Variants in PEX5L observed in about 807,000 individuals in gnomAD.
PEX5L encodes the protein PEX5-related protein.
PEX5L carries 30 observed loss-of-function variants against 84.0 expected under a neutral mutation model. The ratio of observed to expected loss-of-function variants is 0.36; its 90% CI spans 0.27 to 0.48. The LOEUF is 0.48. Ranked by LOEUF, PEX5L falls within the 20% of genes least tolerant of loss-of-function variation. PEX5L has a pLI of 0.99. For missense variants in PEX5L, 533 were observed against 754.6 expected, an observed-to-expected ratio of 0.71 and a Z score of 3.44; for synonymous variants, 270 against 283.1, an observed-to-expected ratio of 0.95 and a Z score of 0.46.
At chr3:179,806,194 A>G (rs957627588) in intron 14 of PEX5L, among the ~76,000 whole-genome samples, 4 of 152,172 alleles carry the variant, frequency 2.6e-5, no homozygotes, top group African/African-American at 4.8e-5. Flanking sequence ...AAAGTGAATG[A>G]AAGACGTAAA....
At position 179,874,311 on chromosome 3, in the gene PEX5L, T is replaced by C; in HGVS notation, c.726+16A>G. On this transcript the variant is annotated intron_variant, in intron 7 of 14. Transcript: ENST00000467460. ...TATAGGGAAAGATGTGTTCATTGAA[T>C]AATCAGTTTTGTTACCTGAGTCGGA... The C allele has an allele frequency of 7.1e-7, 1 of 1,412,868 alleles. No individual in the cohort carries two copies. The highest frequency in any genetic ancestry group is 1.0e-6 in the Non-Finnish European group (1 of 997,626). 87.5% of individuals were successfully genotyped at this position (1,412,868 alleles called of 1,614,324 possible).
At chr3:179,876,510 G>A (rs1752454328) in intron 5 of PEX5L, among the ~76,000 whole-genome samples, 1 of 149,976 alleles carries the variant, frequency 6.7e-6, no homozygotes. Flanking sequence ...AAAAAAAAAA[G>A]ATCAGTTTGC....
chr3:179,980,118 T>A (rs1333744957), intron 1 of PEX5L, among the ~76,000 whole-genome samples: 1 of 152,188 alleles, frequency 6.6e-6, no homozygotes, highest in African/African-American at 2.4e-5. Flanking sequence ...ACCAGCATAT[T>A]TTTTTGGAAA....
chr3:179,861,332 TAG>T (rs1746049873), intron 7 of PEX5L, among the ~76,000 whole-genome samples: 1 of 152,220 alleles, frequency 6.6e-6, no homozygotes, highest in South Asian at 2.1e-4. Context: ...GAGGAAGTTA[TAG>T]GAGACTGAAA....
At chr3:180,013,150 A>G (rs1789638948) in intron 1 of PEX5L, among the ~76,000 whole-genome samples, 1 of 152,210 alleles carries the variant, frequency 6.6e-6, no homozygotes, top group Admixed American at 6.5e-5. Context: ...ACATGCACAG[A>G]TTATTTTATA....
At chr3:179,818,848 CTTT>C (rs78348936) in intron 9 of PEX5L, among the ~76,000 whole-genome samples, 1 of 102,954 alleles carries the variant, frequency 9.7e-6, no homozygotes, top group Admixed American at 9.7e-5. Flanking sequence ...CTTTTCTTTT[CTTT>C]TTTTTTTTTT....
chr3:179,796,429 C>T lies in PEX5L; in HGVS notation c.*5399G>A, dbSNP rs1716985134. The T allele has an allele frequency of 6.6e-6, 1 of 152,132 alleles. No individual in the cohort carries two copies. The highest frequency in any genetic ancestry group is 2.1e-4 in the South Asian group (1 of 4,826). 9.4% of individuals were successfully genotyped at this position (152,132 alleles called of 1,614,324 possible). On this transcript the variant is annotated 3_prime_UTR_variant, in exon 15 of 15. Coordinates refer to ENST00000467460, the MANE Select transcript of PEX5L (RefSeq NM_016559.3). ...TCTAGACTGTGTTATTTTGGTATTT[C>T]TGCAGAAGCTGCAGGTAGTGGAAAC...
chr3:179,988,161 A>G (rs555192005), intron 1 of PEX5L, among the ~76,000 whole-genome samples: 1 of 152,278 alleles, frequency 6.6e-6, no homozygotes, highest in South Asian at 2.1e-4. Context: ...GCACTTTAGG[A>G]GGCCAAGGTG....
At chr3:179,802,685 AT>A (rs1438778725) in intron 14 of PEX5L, among the ~76,000 whole-genome samples, 2 of 152,268 alleles carry the variant, frequency 1.3e-5, no homozygotes, top group East Asian at 3.9e-4. Flanking sequence ...CACTTAATGC[AT>A]TTGCAGATTT....
At chr3:179,846,788 T>A (rs976304401) in intron 8 of PEX5L, among the ~76,000 whole-genome samples, 8 of 152,130 alleles carry the variant, frequency 5.3e-5, no homozygotes, top group African/African-American at 1.9e-4. Context: ...TCTTACACCA[T>A]CAGCTCTCCT....
Position 179,868,024 on chromosome 3 carries a change from TTTA to T in PEX5L, c.726+6300_726+6302del, listed in dbSNP as rs1489984412. 1.3e-3 allele frequency among the ~76,000 whole-genome samples: 181 copies of T among 139,096 alleles called. 1 individual carries two copies. The highest frequency in any genetic ancestry group is 0.011 in the Middle Eastern group (3 of 278). 91.3% of individuals were successfully genotyped at this position (139,096 alleles called of 152,430 possible). A position where few individuals can be genotyped will look rare whatever the true frequency, so the allele number is the denominator to read the frequency against. The stretch of plus-strand genomic sequence containing the variant: ...GAACAAATGCTTTATTATTTATGTA[TTTA>T]TTCTTCTTCTTCTTCTTTTTTTTTT... On this transcript the variant is annotated intron_variant, in intron 7 of 14. Transcript: ENST00000467460.
intron 2 of PEX5L, among the ~76,000 whole-genome samples, chr3:179,925,316 C>G (rs1036462864): frequency 5.9e-5 from 9 of 152,024 alleles, no homozygotes; most frequent in African/African-American, 2.2e-4. Context: ...CTGCCTAGCT[C>G]ACCCGTCCAT....
intron 2 of PEX5L, among the ~76,000 whole-genome samples, chr3:179,924,442 G>C (rs1770786117): frequency 6.6e-6 from 1 of 152,152 alleles, no homozygotes; most frequent in Non-Finnish European, 1.5e-5. Flanking sequence ...ACGAGAGAAA[G>C]CATGTTTTTA....
Position 179,887,739 on chromosome 3 carries a change from T to C in PEX5L, c.244A>G (p.Ile82Val). Residue 82 changes from isoleucine to valine, a missense_variant, in exon 4 of 15, where the codon ATC (isoleucine) becomes GTC (valine). Coordinates refer to ENST00000467460, the MANE Select transcript of PEX5L (RefSeq NM_016559.3). ...QESRPLLSPS[I>V]DDFLCETKSE... ...TTGGTTTCACAGAGAAAGTCATCGA[T>C]GGAGGGACTCAGGAGGGGTCTGCTT... 3.7e-6 allele frequency: 6 copies of C among 1,614,088 alleles called. No homozygotes were observed. Among genetic ancestry groups the C allele is most frequent in the Non-Finnish European group, 5.1e-6 (6 of 1,179,928 alleles).
In PEX5L at chr3:179,924,342, G is replaced by A. The variant is rs183461598; in HGVS notation, c.94-26096C>T. On this transcript the variant is annotated intron_variant, in intron 2 of 14. Coordinates refer to ENST00000467460, the MANE Select transcript of PEX5L (RefSeq NM_016559.3). ...GCTAGATGCCACCTTCTTGGGACGG[G>A]GTTCAAAGCAGAGTCATCTTCATAG... is the stretch of plus-strand genomic sequence containing the variant. Among the ~76,000 whole-genome samples the A allele has an allele frequency of 7.9e-4, 121 of 152,252 alleles. 2 individuals carry two copies. In the Middle Eastern group the frequency reaches 0.044, roughly 56 times the overall value.
intron 8 of PEX5L, among the ~76,000 whole-genome samples, chr3:179,841,206 C>T (rs910395427): frequency 2.6e-5 from 4 of 151,968 alleles, no homozygotes; most frequent in Admixed American, 2.0e-4. Flanking sequence ...CCTCTGCCTG[C>T]TTCTTCAGCT....
intron 11 of PEX5L, among the ~76,000 whole-genome samples, chr3:179,811,534 G>A (rs141873770): frequency 2.0e-4 from 31 of 152,258 alleles, no homozygotes; most frequent in African/African-American, 7.5e-4. Flanking sequence ...TATTCAATGA[G>A]TCTACTTTAT....
intron 6 of PEX5L, 112 bp downstream of exon 6, chr3:179,875,241 TA>T: frequency 1.1e-6 from 1 of 909,956 alleles, no homozygotes; most frequent in Non-Finnish European, 1.7e-6. Flanking sequence ...TATTGTTATA[TA>T]GGGGTTACAT....
intron 7 of PEX5L, among the ~76,000 whole-genome samples, chr3:179,860,665 A>AC (rs751940623): frequency 1.3e-5 from 2 of 151,622 alleles, no homozygotes; most frequent in Non-Finnish European, 2.9e-5. Flanking sequence ...CCTGAAGGGG[A>AC]CCCCCCTCTT....
Sources: allele counts gnomAD v4.1 joint callset (sites outside exome capture counted in the v4.1 genomes callset), GRCh38; gene constraint gnomAD v4.1.1; transcripts MANE v1.5; gene names NCBI Gene and HGNC (gene_info 2026-07-23, HGNC 2026-07-21).